Variants in ANO3 observed in about 807,000 individuals in gnomAD.
ANO3 encodes anoctamin 3.
Under a neutral mutation model 144.8 loss-of-function variants are expected in ANO3, and 99 were observed. That is an observed-to-expected ratio of 0.68 (90% CI 0.58 to 0.81). ANO3 has a LOEUF of 0.81. Among genes scored for constraint, ANO3 ranks in the 30% least tolerant of loss-of-function variants. The probability of loss-of-function intolerance (pLI) is 0.00; values close to 1 mark genes in which losing one functional copy is unlikely to be tolerated. For missense variants in ANO3, 905 were observed against 1,202.2 expected (o/e 0.75, Z 3.66); for synonymous variants, 414 against 392.6 (o/e 1.05, Z -0.64).
chr11:26,414,190 C>T (rs1857508690), intron 1 of ANO3, among the ~76,000 whole-genome samples: 3 of 152,036 alleles, frequency 2.0e-5, no homozygotes, highest in Non-Finnish European at 2.9e-5. Flanking sequence ...GGCGATTTCT[C>T]AAGGATCTAG....
intron 14 of ANO3, among the ~76,000 whole-genome samples, chr11:26,572,567 A>G (rs1850870303): frequency 6.6e-6 from 1 of 152,054 alleles, no homozygotes; most frequent in Non-Finnish European, 1.5e-5. Flanking sequence ...GAAATCATAA[A>G]CAATTTTTCT....
intron 1 of ANO3, among the ~76,000 whole-genome samples, chr11:26,339,077 C>A (rs1354432978): frequency 6.6e-6 from 1 of 151,940 alleles, no homozygotes; most frequent in East Asian, 1.9e-4. Context: ...AGATAACTTA[C>A]ATGCATTGCA....
At chr11:26,202,150 A>T (rs968220037) in intron 1 of ANO3, among the ~76,000 whole-genome samples, 2 of 149,958 alleles carry the variant, frequency 1.3e-5, no homozygotes, top group Non-Finnish European at 3.0e-5. Context: ...TTTCTTAAAA[A>T]TATTTTATAC....
intron 7 of ANO3, among the ~76,000 whole-genome samples, chr11:26,528,275 A>T (rs1480552906): frequency 3.9e-5 from 6 of 152,124 alleles, no homozygotes; most frequent in Non-Finnish European, 7.4e-5. Flanking sequence ...AATTAAGAGA[A>T]GCAAAACTTA....
At chr11:26,615,971 T>C (rs1162107040) in intron 17 of ANO3, among the ~76,000 whole-genome samples, 1 of 152,214 alleles carries the variant, frequency 6.6e-6, no homozygotes, top group Non-Finnish European at 1.5e-5. Context: ...CTGTTTTGTA[T>C]TTTGTCTTTC....
intron 4 of ANO3, among the ~76,000 whole-genome samples, chr11:26,467,416 C>T (rs1020620867): frequency 3.3e-5 from 5 of 151,566 alleles, no homozygotes; most frequent in Non-Finnish European, 7.4e-5. Flanking sequence ...CCCATTTAAT[C>T]ATCCCCTCTC....
chr11:26,190,378 C>T (rs964114312), intron 1 of ANO3, among the ~76,000 whole-genome samples: 1 of 151,834 alleles, frequency 6.6e-6, no homozygotes, highest in South Asian at 2.1e-4. Flanking sequence ...GGAGATAAGA[C>T]ATTCTTTTAT....
intron 3 of ANO3, among the ~76,000 whole-genome samples, chr11:26,459,569 A>C (rs1485813991): frequency 6.6e-6 from 1 of 152,002 alleles, no homozygotes; most frequent in Non-Finnish European, 1.5e-5. Context: ...AACAAACAAG[A>C]CAACAAAAGT....
chr11:26,383,759 T>G lies in ANO3; in HGVS notation c.46+51438T>G, dbSNP rs145628593. On this transcript the variant is annotated intron_variant, in intron 1 of 26. Coordinates refer to ENST00000256737, the MANE Select transcript of ANO3 (RefSeq NM_031418.4). ...TTATGCAATATTTGCTTATTTCTTG[T>G]TCCACTAAAACCGGCAAATAAATGA... is the stretch of plus-strand genomic sequence containing the variant. Among the ~76,000 whole-genome samples the G allele has an allele frequency of 1.2e-4, 18 of 152,260 alleles. No homozygotes were observed. The East Asian group carries it at 3.5e-3, about 29-fold the overall frequency.
chr11:26,511,657 G>C (rs1372265176), intron 5 of ANO3, among the ~76,000 whole-genome samples: 1 of 152,208 alleles, frequency 6.6e-6, no homozygotes, highest in Non-Finnish European at 1.5e-5. Flanking sequence ...GTATGGTCTG[G>C]AGGGTGAGGG....
At chr11:26,628,543 A>G (rs1344130809) in intron 18 of ANO3, among the ~76,000 whole-genome samples, 2 of 152,176 alleles carry the variant, frequency 1.3e-5, no homozygotes, top group African/African-American at 4.8e-5. Context: ...ATGATCCACA[A>G]TGTGCTATAT....
At position 26,467,489 on chromosome 11, in the gene ANO3, T is replaced by C. The variant is rs190340888; in HGVS notation, c.432+4341T>C. ...TTCTACTTTCTATCTCTGAGTTAATTGTTTTAATTTTTAGCTCTCACAAAT... is the reference window on the plus strand; with the variant it reads ...TTCTACTTTCTATCTCTGAGTTAATCGTTTTAATTTTTAGCTCTCACAAAT... On this transcript the variant is annotated intron_variant, in intron 4 of 26. Transcript: ENST00000256737. Among the ~76,000 whole-genome samples, 282 of 152,024 alleles carry C rather than the reference T, an allele frequency of 1.9e-3. 1 individual carries two copies. Among genetic ancestry groups the C allele is most frequent in the Middle Eastern group, 3.4e-3 (1 of 294 alleles).
intron 1 of ANO3, among the ~76,000 whole-genome samples, chr11:26,373,675 A>T (rs1856325588): frequency 6.6e-6 from 1 of 152,190 alleles, no homozygotes; most frequent in African/African-American, 2.4e-5. Context: ...GTTTAATCAA[A>T]TCTAGAAAAT....
intron 17 of ANO3, among the ~76,000 whole-genome samples, chr11:26,614,823 G>A (rs998812506): frequency 2.6e-5 from 4 of 152,118 alleles, no homozygotes; most frequent in African/African-American, 4.8e-5. Flanking sequence ...TATCCTTGGT[G>A]TCTGTACTCC....
intron 4 of ANO3, among the ~76,000 whole-genome samples, chr11:26,506,224 G>C (rs1255811995): frequency 6.6e-6 from 1 of 152,096 alleles, no homozygotes; most frequent in East Asian, 1.9e-4. Flanking sequence ...AACTACTCAA[G>C]CCTCATTCCT....
At chr11:26,282,778 A>C (rs554739270) in intron 1 of ANO3, among the ~76,000 whole-genome samples, 2 of 152,186 alleles carry the variant, frequency 1.3e-5, no homozygotes, top group South Asian at 4.1e-4. Flanking sequence ...AATTTGGGGA[A>C]ATTTTTGAAT....
In ANO3 at chr11:26,535,570, ACT is replaced by A. The variant is rs1491269990; in HGVS notation, c.976+1009_976+1010del. On this transcript the variant is annotated intron_variant, in intron 9 of 26. Transcript: ENST00000256737. ...AAATACACTATGTTTCAAGACAGCC[ACT>A]TTTTTTTTTTTTTTTTTTTTTTTTT... 1.8e-4 allele frequency among the ~76,000 whole-genome samples: 15 copies of A among 85,412 alleles called. No homozygotes were observed. In the East Asian group the frequency reaches 4.4e-3, roughly 25 times the overall value. 56.0% of individuals were successfully genotyped at this position (85,412 alleles called of 152,430 possible). A position where few individuals can be genotyped will look rare whatever the true frequency, so the allele number is the denominator to read the frequency against.
intron 4 of ANO3, among the ~76,000 whole-genome samples, chr11:26,465,485 G>C (rs547709655): frequency 6.6e-6 from 1 of 151,716 alleles, no homozygotes; most frequent in South Asian, 2.1e-4. Flanking sequence ...GCAAATTTAT[G>C]AGGAGTCAAC....
intron 1 of ANO3, among the ~76,000 whole-genome samples, chr11:26,219,247 T>C (rs1465287069): frequency 2.0e-5 from 3 of 152,208 alleles, no homozygotes; most frequent in Admixed American, 1.3e-4. Context: ...AAAAATTCTT[T>C]TCCAAGAGAT....
Sources: allele counts gnomAD v4.1 joint callset (sites outside exome capture counted in the v4.1 genomes callset), GRCh38; gene constraint gnomAD v4.1.1; transcripts MANE v1.5; gene names NCBI Gene and HGNC (gene_info 2026-07-23, HGNC 2026-07-21).